The following CFAP61 variants were observed in gnomAD, a reference collection of about 807,000 sequenced individuals.
CFAP61 encodes the protein cilia and flagella associated protein 61.
Under a neutral mutation model 135.6 loss-of-function variants are expected in CFAP61, and 107 were observed. The ratio of observed to expected loss-of-function variants is 0.79; its 90% CI spans 0.67 to 0.93. The LOEUF is 0.93. Ranked by LOEUF, CFAP61 falls within the 40% of genes least tolerant of loss-of-function variation. The pLI is 0.00. For synonymous variants in CFAP61, 575 were observed against 578.5 expected (o/e 0.99, Z 0.09); for missense variants, 1,507 against 1,556.2 (o/e 0.97, Z 0.53).
chr20:20,084,596 A>AGGTGAT (rs2046665092), intron 6 of CFAP61, among the ~76,000 whole-genome samples: 1 of 152,076 alleles, frequency 6.6e-6, no homozygotes, highest in African/African-American at 2.4e-5. Context: ...CAGGCTGTGG[A>AGGTGAT]GGTGATGAAG....
intron 24 of CFAP61, among the ~76,000 whole-genome samples, chr20:20,297,277 C>T (rs1365120169): frequency 6.6e-6 from 1 of 152,220 alleles, no homozygotes; most frequent in Non-Finnish European, 1.5e-5. Flanking sequence ...CCAGGCAGTT[C>T]AAATTGCCTT....
intron 25 of CFAP61, among the ~76,000 whole-genome samples, chr20:20,326,819 C>T (rs537311873): frequency 1.3e-5 from 2 of 152,250 alleles, no homozygotes; most frequent in African/African-American, 4.8e-5. Context: ...AATGTATTAT[C>T]ATGTCCAACT....
chr20:20,161,977 T>G (rs1381112159), intron 10 of CFAP61, among the ~76,000 whole-genome samples: 1 of 152,202 alleles, frequency 6.6e-6, no homozygotes, highest in Non-Finnish European at 1.5e-5. Context: ...TTTATTATTG[T>G]GCAGTTCTGG....
At chr20:20,071,820 T>C (rs369139624) in intron 3 of CFAP61, among the ~76,000 whole-genome samples, 1 of 152,220 alleles carries the variant, frequency 6.6e-6, no homozygotes, top group East Asian at 1.9e-4. Flanking sequence ...CCTCATCTTT[T>C]GTGTTCTCTC....
chr20:20,208,965 G>A (rs952763734), intron 17 of CFAP61, among the ~76,000 whole-genome samples: 3 of 152,182 alleles, frequency 2.0e-5, no homozygotes, highest in African/African-American at 7.2e-5. Flanking sequence ...CTCACAGCAC[G>A]TCAACAGTTC....
chr20:20,073,107 T>C (rs2045833856), intron 3 of CFAP61, among the ~76,000 whole-genome samples: 1 of 152,194 alleles, frequency 6.6e-6, no homozygotes, highest in African/African-American at 2.4e-5. Context: ...CATTGTAATA[T>C]TTATGATGGA....
chr20:20,275,190 A>G (rs1241595447), intron 21 of CFAP61, among the ~76,000 whole-genome samples: 1 of 152,200 alleles, frequency 6.6e-6, no homozygotes, highest in Non-Finnish European at 1.5e-5. Flanking sequence ...GCAGGATGAA[A>G]CACACATGGT....
chr20:20,187,989 G>A lies in CFAP61; in HGVS notation c.1445G>A (p.Ser482Asn), dbSNP rs374282531. ...ACTCCTGGTGTGGAAAATCTTGTCAGCACCCTCATGTTGAATAAAAGCATA... is the reference window on the plus strand; with the variant it reads ...ACTCCTGGTGTGGAAAATCTTGTCAACACCCTCATGTTGAATAAAAGCATA... ...LDTPGVENLVSTLMLNKSILE... is the reference protein window; with the variant it reads ...LDTPGVENLVNTLMLNKSILE... The change falls in exon 14 of 27, where the codon AGC becomes AAC. Residue 482 changes from serine to asparagine, a missense_variant. Ser to Asn is a conservative substitution (Grantham distance 46). Coordinates refer to ENST00000245957, the MANE Select transcript of CFAP61 (RefSeq NM_015585.4). 17 of 1,613,688 alleles carry A rather than the reference G, an allele frequency of 1.1e-5. No homozygotes were observed. Among genetic ancestry groups the A allele is most frequent in the Non-Finnish European group, 1.4e-5 (16 of 1,179,604 alleles).
chr20:20,208,428 TC>T (rs1481903394), intron 17 of CFAP61, among the ~76,000 whole-genome samples: 2 of 152,126 alleles, frequency 1.3e-5, no homozygotes, highest in Non-Finnish European at 2.9e-5. Flanking sequence ...AGGGTTAGAC[TC>T]CCCTGACCCG....
chr20:20,146,968 T>G (rs2051941303), intron 9 of CFAP61, among the ~76,000 whole-genome samples: 1 of 152,212 alleles, frequency 6.6e-6, no homozygotes, highest in East Asian at 1.9e-4. Flanking sequence ...CCTCATAGCT[T>G]ATCTCCCACT....
intron 8 of CFAP61, among the ~76,000 whole-genome samples, chr20:20,126,866 G>T (rs904435325): frequency 1.3e-5 from 2 of 151,666 alleles, no homozygotes; most frequent in Non-Finnish European, 2.9e-5. Flanking sequence ...TCTTAGGTTT[G>T]GTCGTTTAAC....
chr20:20,278,304 C>T (rs1020354065), intron 22 of CFAP61, among the ~76,000 whole-genome samples: 1 of 152,170 alleles, frequency 6.6e-6, no homozygotes, highest in African/African-American at 2.4e-5. Context: ...GTGAGTCTTT[C>T]CCCATGACAC....
chr20:20,105,808 GTT>G (rs11087305), intron 8 of CFAP61, among the ~76,000 whole-genome samples: 10,242 of 140,854 alleles, frequency 0.073, 989 homozygotes, highest in African/African-American at 0.22. Flanking sequence ...ATTTTTTTGA[GTT>G]TTTTTTTTTT....
chr20:20,095,571 CTG>C, intron 7 of CFAP61: 1 of 152,380 alleles, frequency 6.6e-6, no homozygotes, highest in Non-Finnish European at 1.5e-5. Flanking sequence ...CTTGTCATAA[CTG>C]TACCCTGGCT....
At chr20:20,141,575 C>T (rs2146748801) in intron 8 of CFAP61, among the ~76,000 whole-genome samples, 1 of 152,302 alleles carries the variant, frequency 6.6e-6, no homozygotes, top group East Asian at 1.9e-4. Flanking sequence ...TCTCATTGTG[C>T]CTTCAACATT....
Position 20,084,055 on chromosome 20 carries a change from A to C in CFAP61, c.567-6789A>C, listed in dbSNP as rs145901334. 6.6e-3 allele frequency among the ~76,000 whole-genome samples: 1,000 copies of C among 152,272 alleles called. 13 individuals are homozygous for C. Among genetic ancestry groups the C allele is most frequent in the African/African-American group, 0.023 (939 of 41,534 alleles). ...AGGGTGCTTGGTTTTGCATACCTGA[A>C]GTGAAAGAAAAATCTAGTTGACGCC... is the stretch of plus-strand genomic sequence containing the variant. On this transcript the variant is annotated intron_variant, in intron 6 of 26. Transcript: ENST00000245957.
intron 21 of CFAP61, among the ~76,000 whole-genome samples, chr20:20,267,203 G>A (rs1422119040): frequency 6.6e-6 from 1 of 152,098 alleles, no homozygotes; most frequent in Non-Finnish European, 1.5e-5. Context: ...GATAAGAAGA[G>A]AGAGAGGCTG....
chr20:20,088,882 A>G (rs533717790), intron 6 of CFAP61, among the ~76,000 whole-genome samples: 2 of 152,240 alleles, frequency 1.3e-5, no homozygotes, highest in South Asian at 2.1e-4. Flanking sequence ...CATCATTTCA[A>G]CCGTTACACT....
chr20:20,360,519 C>G lies in CFAP61; in HGVS notation c.*109C>G. 9.8e-7 allele frequency: 1 copy of G among 1,019,236 alleles called. No homozygotes were observed. Among genetic ancestry groups the G allele is most frequent in the Non-Finnish European group, 1.5e-6 (1 of 683,644 alleles). 63.1% of individuals were successfully genotyped at this position (1,019,236 alleles called of 1,614,324 possible). On this transcript the variant is annotated 3_prime_UTR_variant, in exon 27 of 27. Coordinates refer to ENST00000245957, the MANE Select transcript of CFAP61 (RefSeq NM_015585.4). ...GCCTGGTTTGACAGCGAAGCCAGCCCCTGGTGGTTTTGTTCATTCCTTTCC... is the reference window on the plus strand; with the variant it reads ...GCCTGGTTTGACAGCGAAGCCAGCCGCTGGTGGTTTTGTTCATTCCTTTCC...
Sources: gnomAD v4.1 joint callset for allele counts (sites outside exome capture counted in the v4.1 genomes callset) on GRCh38, gnomAD v4.1.1 for gene constraint, MANE v1.5 for transcripts, NCBI Gene and HGNC (gene_info 2026-07-23, HGNC 2026-07-21) for gene names.